The following CEP295 variants were observed in gnomAD, a reference collection of about 807,000 sequenced individuals.
The protein encoded by CEP295 is centrosomal protein 295, also known as centrosomal protein of 295 kDa.
CEP295 carries 190 observed loss-of-function variants against 291.6 expected under a neutral mutation model. The observed-to-expected ratio is 0.65, with a 90% CI of 0.58 to 0.73. The LOEUF (loss-of-function observed/expected upper bound fraction) is 0.73. Among genes scored for constraint, CEP295 ranks in the 30% least tolerant of loss-of-function variants. The pLI, the probability that CEP295 is intolerant of heterozygous loss-of-function variation, is 0.00. For missense variants in CEP295, 2,863 were observed against 2,949.4 expected (o/e 0.97, Z 0.68); for synonymous variants, 993 against 1,038.8 (o/e 0.96, Z 0.85).
Position 93,730,111 on chromosome 11 carries a change from A to G in CEP295, c.7730A>G (p.Tyr2577Cys). The G allele has an allele frequency of 1.9e-6, 3 of 1,551,322 alleles. No homozygotes were observed. The highest frequency in any genetic ancestry group is 1.7e-4 in the Middle Eastern group (1 of 5,988). ...GAAGAAAAAACAAAACAAGAAGCTT[A>G]TGCCCAAAACAGAGCAAGGGCAAAA... ...QKEEKTKQEA[Y>C]AQNRARAKEF... is the part of the protein sequence containing the mutation. The change falls in exon 29 of 30, where the codon TAT becomes TGT. Residue 2577 changes from tyrosine to cysteine, a missense_variant. Tyr to Cys is a radical substitution (Grantham distance 194). Around this residue, in one of 3 missense-constraint regions of CEP295, gnomAD observed 2,295 missense variants for 2,335.7 expected, o/e 0.98. Coordinates refer to ENST00000325212, the MANE Select transcript of CEP295 (RefSeq NM_033395.2).
chr11:93,704,837 A>G (rs899625368), intron 17 of CEP295, among the ~76,000 whole-genome samples: 1 of 152,164 alleles, frequency 6.6e-6, no homozygotes, highest in Non-Finnish European at 1.5e-5. Flanking sequence ...TCCTGCCCCT[A>G]CACACCCTTT....
At chr11:93,700,325 A>T (rs1414903182) in intron 15 of CEP295, 139 bp downstream of exon 15, 2 of 796,760 alleles carry the variant, frequency 2.5e-6, no homozygotes, top group African/African-American at 3.5e-5. Flanking sequence ...ACCCTAAATG[A>T]TGTGGAAGTT....
At chr11:93,701,132 T>C (rs1006486406) in intron 15 of CEP295, among the ~76,000 whole-genome samples, 6 of 152,152 alleles carry the variant, frequency 3.9e-5, no homozygotes, top group African/African-American at 1.2e-4. Flanking sequence ...TGAGAGGCCG[T>C]GGCAGGTGGA....
At chr11:93,700,503 G>A (rs923094752) in intron 15 of CEP295, among the ~76,000 whole-genome samples, 7 of 146,418 alleles carry the variant, frequency 4.8e-5, no homozygotes, top group African/African-American at 1.8e-4. Flanking sequence ...TCGGCTCACT[G>A]CAACCCCTAC....
intron 2 of CEP295, among the ~76,000 whole-genome samples, chr11:93,667,267 T>A (rs1287659864): frequency 6.6e-6 from 1 of 152,256 alleles, no homozygotes; most frequent in Non-Finnish European, 1.5e-5. Context: ...AATGGAGTTC[T>A]CATCTGGCTC....
At chr11:93,673,778 C>G (rs1950556541) in intron 5 of CEP295, among the ~76,000 whole-genome samples, 1 of 151,944 alleles carries the variant, frequency 6.6e-6, no homozygotes, top group Admixed American at 6.6e-5. Context: ...CAGGTGTGAG[C>G]CACAACGCCT....
intron 10 of CEP295, among the ~76,000 whole-genome samples, chr11:93,688,549 C>G (rs537668181): frequency 3.7e-5 from 5 of 135,268 alleles, no homozygotes; most frequent in African/African-American, 1.3e-4. Flanking sequence ...GTATTTTCTT[C>G]CCTTGGCCCC....
intron 23 of CEP295, among the ~76,000 whole-genome samples, chr11:93,726,440 A>G (rs544616965): frequency 1.3e-4 from 20 of 152,328 alleles, no homozygotes; most frequent in African/African-American, 4.6e-4. Context: ...AGCCAGTTTA[A>G]GTATTCTTCT....
chr11:93,663,503 T>G (rs1194025546), intron 1 of CEP295, among the ~76,000 whole-genome samples: 3 of 152,144 alleles, frequency 2.0e-5, no homozygotes, highest in Non-Finnish European at 4.4e-5. Context: ...GTCCAGAAAA[T>G]AGACATTAGT....
At chr11:93,681,864 T>TG (rs1950988989) in intron 7 of CEP295, among the ~76,000 whole-genome samples, 1 of 121,976 alleles carries the variant, frequency 8.2e-6, no homozygotes, top group African/African-American at 2.5e-5. Flanking sequence ...GTTTTTGTTT[T>TG]TTTTTTTTAA....
intron 7 of CEP295, among the ~76,000 whole-genome samples, chr11:93,681,776 A>T (rs1336246344): frequency 6.6e-6 from 1 of 151,172 alleles, no homozygotes; most frequent in Non-Finnish European, 1.5e-5. Context: ...GGAACTCCTG[A>T]CCTCAAACAA....
Position 93,706,785 on chromosome 11 carries a change from C to T in CEP295, c.5637C>T (p.Val1879=), listed in dbSNP as rs1411730427. The part of the protein sequence containing the change: ...GIYEDRDPLR[V]SISREQSFFG... ...ATGAAGACAGAGACCCCCTGCGAGT[C>T]TCAATAAGCCGAGAACAAAGTTTCT... is the stretch of plus-strand genomic sequence containing the variant. Residue 1879 remains valine, a synonymous_variant, in exon 18 of 30, where the codon GTC becomes GTT. Coordinates refer to ENST00000325212, the MANE Select transcript of CEP295 (RefSeq NM_033395.2). The T allele has an allele frequency of 6.5e-7, 1 of 1,549,216 alleles. No homozygotes were observed. The highest frequency in any genetic ancestry group is 8.7e-7 in the Non-Finnish European group (1 of 1,145,828).
In CEP295 at chr11:93,697,744, A is replaced by G. The variant is rs1163728681; in HGVS notation, c.2832A>G (p.Leu944=). 1 of 1,551,704 alleles carries G rather than the reference A, an allele frequency of 6.4e-7. No individual in the cohort carries two copies. Among genetic ancestry groups the G allele is most frequent in the Non-Finnish European group, 8.7e-7 (1 of 1,146,986 alleles). Residue 944 remains leucine, a synonymous_variant, in exon 15 of 30, where the codon CTA becomes CTG. Transcript: ENST00000325212. The part of the protein sequence containing the change: ...DKRLSLSQPI[L]SQQNNFKFLQ... The stretch of plus-strand genomic sequence containing the variant: ...GTTTGAGTCTTTCACAGCCTATCCT[A>G]TCACAGCAAAATAATTTTAAATTTC...
chr11:93,698,062 C>G lies in CEP295; in HGVS notation c.3150C>G (p.Phe1050Leu), dbSNP rs371182007. The stretch of plus-strand genomic sequence containing the variant: ...GGTCTTTGAGTTTCCTACAGCAGTT[C>G]CTACCTCTACATGATAGTTTGAAGT... Reference protein sequence around the residue: ...QDGSLSFLQQFLPLHDSLKLL... With the variant: ...QDGSLSFLQQLLPLHDSLKLL... The change falls in exon 15 of 30, where the codon TTC becomes TTG. Residue 1050 changes from phenylalanine to leucine, a missense_variant. Around this residue, in one of 3 missense-constraint regions of CEP295, gnomAD observed 2,295 missense variants for 2,335.7 expected, o/e 0.98. Transcript: ENST00000325212. The G allele has an allele frequency of 1.3e-6, 2 of 1,551,752 alleles. No individual in the cohort carries two copies. The highest frequency in any genetic ancestry group is 8.7e-7 in the Non-Finnish European group (1 of 1,147,010).
intron 25 of CEP295, chr11:93,729,182 A>G (rs1014453614): frequency 4.9e-5 from 27 of 548,868 alleles, no homozygotes; most frequent in East Asian, 1.4e-4. Flanking sequence ...GAATAAAGCT[A>G]TCTAAACAGA....
At position 93,729,832 on chromosome 11, in the gene CEP295, C is replaced by CTTGTGTTTACAACTTGATTTCACTT. The variant is rs775447407; in HGVS notation, c.7568-35_7568-11dup. 1.0e-5 allele frequency: 16 copies of CTTGTGTTTACAACTTGATTTCACTT among 1,538,024 alleles called. No homozygotes were observed. In the African/African-American group the frequency reaches 1.4e-4, roughly 13 times the overall value. ...ACCAACTCCCTGAAATGTTTAAAGC[C>CTTGTGTTTACAACTTGATTTCACTT]TTGTGTTTACAACTTGATTTCACTT... On this transcript the variant is annotated intron_variant, in intron 27 of 29. Transcript: ENST00000325212.
Position 93,696,779 on chromosome 11 carries a change from A to T in CEP295, c.1867A>T (p.Ile623Leu). The change falls in exon 15 of 30, where the codon ATA becomes TTA. Residue 623 changes from isoleucine to leucine, a missense_variant. Physicochemically the swap from Ile to Leu is conservative, Grantham distance 5. Coordinates refer to ENST00000325212, the MANE Select transcript of CEP295 (RefSeq NM_033395.2). The part of the protein sequence containing the change: ...RCPSVSAPSL[I>L]TDSVISVPSW... ...CCCATCGGTGTCAGCTCCATCATTG[A>T]TAACTGATTCTGTTATATCAGTGCC... 1 of 1,551,586 alleles carries T rather than the reference A, an allele frequency of 6.4e-7. No individual in the cohort carries two copies. The highest frequency in any genetic ancestry group is 8.7e-7 in the Non-Finnish European group (1 of 1,146,858).
Position 93,695,059 on chromosome 11 carries a change from A to G in CEP295, c.1534-438A>G, listed in dbSNP as rs536318845. Among the ~76,000 whole-genome samples the G allele has an allele frequency of 1.4e-4, 22 of 152,320 alleles. No individual in the cohort carries two copies. The South Asian group carries it at 4.3e-3, about 30-fold the overall frequency. ...TGTTGTTCATTGCTTCTAGATAACT[A>G]TCCCTCTTAATGAGCATGGTTAAGA... On this transcript the variant is annotated intron_variant, in intron 12 of 29. Coordinates refer to ENST00000325212, the MANE Select transcript of CEP295 (RefSeq NM_033395.2).
At chr11:93,705,178 TG>T (rs1952435089) in intron 17 of CEP295, among the ~76,000 whole-genome samples, 1 of 152,166 alleles carries the variant, frequency 6.6e-6, no homozygotes, top group Non-Finnish European at 1.5e-5. Flanking sequence ...ACCTTTTAGT[TG>T]GAAGTTGTAT....
Sources: gnomAD v4.1 joint callset for allele counts (sites outside exome capture counted in the v4.1 genomes callset) on GRCh38, gnomAD v4.1.1 for gene constraint, gnomAD v4.1.1 regional missense constraint, MANE v1.5 for transcripts, NCBI Gene and HGNC (gene_info 2026-07-23, HGNC 2026-07-21) for gene names.